Variants in KCNK2 observed in about 807,000 individuals in gnomAD.
KCNK2 encodes potassium two pore domain channel subfamily K member 2.
KCNK2 carries 21 observed loss-of-function variants against 40.5 expected under a neutral mutation model. The observed-to-expected ratio is 0.52, with a 90% CI of 0.37 to 0.75. KCNK2 has a LOEUF of 0.75. Ranked by LOEUF, KCNK2 falls within the 30% of genes least tolerant of loss-of-function variation. KCNK2 has a pLI of 0.00. For missense variants in KCNK2, 399 were observed against 531.6 expected, an observed-to-expected ratio of 0.75 and a Z score of 2.45; for synonymous variants, 191 against 202.2, an observed-to-expected ratio of 0.94 and a Z score of 0.47.
intron 2 of KCNK2, among the ~76,000 whole-genome samples, chr1:215,118,929 G>T (rs1661062035): frequency 6.6e-6 from 1 of 152,096 alleles, no homozygotes; most frequent in African/African-American, 2.4e-5. Context: ...AAATCCTGAT[G>T]ATAACAGAGG....
chr1:215,009,147 G>T (rs1028742926), intron 1 of KCNK2, among the ~76,000 whole-genome samples: 1 of 152,088 alleles, frequency 6.6e-6, no homozygotes, highest in East Asian at 1.9e-4. Context: ...GTATCCTATA[G>T]TAGCTTTCTA....
rs75150413 is a variant in KCNK2 at position 215,107,214 on chromosome 1, A to G, written c.358-17419A>G. On this transcript the variant is annotated intron_variant, in intron 2 of 6. Transcript: ENST00000444842. ...CATTTTAATGATATTATTTCAATCT[A>G]TGAGCATGGAACACTTTTCCATCTG... Among the ~76,000 whole-genome samples the G allele has an allele frequency of 9.0e-3, 1,363 of 152,162 alleles. 11 individuals carry two copies. Among genetic ancestry groups the G allele is most frequent in the Non-Finnish European group, 0.012 (846 of 68,002 alleles).
At chr1:215,089,003 G>A (rs1487532060) in intron 2 of KCNK2, among the ~76,000 whole-genome samples, 1 of 151,942 alleles carries the variant, frequency 6.6e-6, no homozygotes, top group African/African-American at 2.4e-5. Context: ...AATTTATTTT[G>A]ATAAAAGAAA....
At chr1:215,164,846 C>T (rs1208279227) in intron 3 of KCNK2, among the ~76,000 whole-genome samples, 1 of 152,112 alleles carries the variant, frequency 6.6e-6, no homozygotes, top group Non-Finnish European at 1.5e-5. Context: ...ACTGGATTGT[C>T]AACTTGAGAG....
intron 1 of KCNK2, among the ~76,000 whole-genome samples, chr1:215,014,241 C>T (rs1363424711): frequency 6.6e-6 from 1 of 152,026 alleles, no homozygotes; most frequent in Admixed American, 6.6e-5. Context: ...AGCCAGCCTT[C>T]CATTTCCAGG....
intron 1 of KCNK2, among the ~76,000 whole-genome samples, chr1:215,027,825 T>C (rs1171010457): frequency 6.6e-6 from 1 of 152,200 alleles, no homozygotes; most frequent in Non-Finnish European, 1.5e-5. Flanking sequence ...TGGATCTAAC[T>C]TGCCTTCCAT....
chr1:215,104,632 A>G (rs1219339742), intron 2 of KCNK2, among the ~76,000 whole-genome samples: 1 of 152,094 alleles, frequency 6.6e-6, no homozygotes, highest in Non-Finnish European at 1.5e-5. Context: ...GTCTTTATGA[A>G]GTATCTCATC....
Position 215,235,198 on chromosome 1 carries a change from T to C in KCNK2, c.*53T>C. On this transcript the variant is annotated 3_prime_UTR_variant, in exon 7 of 7. Coordinates refer to ENST00000444842, the MANE Select transcript of KCNK2 (RefSeq NM_001017425.3). ...GCCATAGGTGAGGACTTCTCTATGCTCTTTATGACTGTTGCTGGTAGCATT... is the reference window on the plus strand; with the variant it reads ...GCCATAGGTGAGGACTTCTCTATGCCCTTTATGACTGTTGCTGGTAGCATT... The C allele has an allele frequency of 7.0e-7, 1 of 1,430,342 alleles. No individual in the cohort carries two copies. Among genetic ancestry groups the C allele is most frequent in the East Asian group, 2.3e-5 (1 of 43,316 alleles). 88.6% of individuals were successfully genotyped at this position (1,430,342 alleles called of 1,614,324 possible). A position where few individuals can be genotyped will look rare whatever the true frequency, so the allele number is the denominator to read the frequency against.
intron 3 of KCNK2, among the ~76,000 whole-genome samples, chr1:215,155,371 T>C (rs188370596): frequency 1.4e-4 from 22 of 152,312 alleles, no homozygotes; most frequent in Non-Finnish European, 2.8e-4. Flanking sequence ...TTAGTGTTCC[T>C]TTTAAATATT....
intron 6 of KCNK2, among the ~76,000 whole-genome samples, chr1:215,228,976 CCGTGGG>C (rs1276972895): frequency 6.6e-6 from 1 of 151,990 alleles, no homozygotes; most frequent in African/African-American, 2.4e-5. Context: ...AACCCATGGG[CCGTGGG>C]CTGCATGCAG....
intron 6 of KCNK2, among the ~76,000 whole-genome samples, chr1:215,210,903 T>G (rs540794389): frequency 2.0e-5 from 3 of 152,258 alleles, no homozygotes; most frequent in African/African-American, 7.2e-5. Flanking sequence ...CCTTCAACAG[T>G]GATCTGAAAA....
chr1:215,082,340 T>C (rs554847889), upstream of KCNK2, among the ~76,000 whole-genome samples: 85 of 152,162 alleles, frequency 5.6e-4, no homozygotes, highest in African/African-American at 2.0e-3. Context: ...CACTTCCCTG[T>C]ACAGGTCTGG....
chr1:215,060,349 C>T (rs1658325647), intron 1 of KCNK2, among the ~76,000 whole-genome samples: 2 of 152,134 alleles, frequency 1.3e-5, no homozygotes, highest in Admixed American at 1.3e-4. Flanking sequence ...GAAGGCGTGG[C>T]ATGACCAGTT....
intron 6 of KCNK2, among the ~76,000 whole-genome samples, chr1:215,199,309 C>CA (rs1664990610): frequency 6.6e-6 from 1 of 151,242 alleles, no homozygotes; most frequent in Admixed American, 6.6e-5. Flanking sequence ...ACTCCATCTC[C>CA]AAAAAAATAA....
At chr1:215,124,325 A>T (rs573514384) in intron 2 of KCNK2, among the ~76,000 whole-genome samples, 1 of 152,264 alleles carries the variant, frequency 6.6e-6, no homozygotes, top group South Asian at 2.1e-4. Context: ...GACATTGTTA[A>T]ATTTAGTTGT....
intron 1 of KCNK2, among the ~76,000 whole-genome samples, chr1:215,059,091 G>A (rs1022619288): frequency 1.2e-4 from 18 of 147,502 alleles, no homozygotes; most frequent in African/African-American, 4.9e-5. Flanking sequence ...ATATATATTC[G>A]TGTATATATA....
At chr1:215,061,452 G>A (rs1658358183) in intron 1 of KCNK2, among the ~76,000 whole-genome samples, 1 of 151,886 alleles carries the variant, frequency 6.6e-6, no homozygotes, top group East Asian at 1.9e-4. Flanking sequence ...TTTTTTGGGA[G>A]GAATGGGTTC....
intron 5 of KCNK2, among the ~76,000 whole-genome samples, chr1:215,185,581 A>T (rs148241912): frequency 6.6e-6 from 1 of 152,194 alleles, no homozygotes; most frequent in African/African-American, 2.4e-5. Flanking sequence ...AAAATTAGCT[A>T]TTGAGTGAGT....
intron 1 of KCNK2, among the ~76,000 whole-genome samples, chr1:215,051,927 G>T (rs1658003691): frequency 6.6e-6 from 1 of 152,122 alleles, no homozygotes; most frequent in South Asian, 2.1e-4. Flanking sequence ...TTTAAGTAAA[G>T]AATATGCTCA....
Sources: allele counts gnomAD v4.1 joint callset (sites outside exome capture counted in the v4.1 genomes callset), GRCh38; gene constraint gnomAD v4.1.1; transcripts MANE v1.5; gene names NCBI Gene and HGNC (gene_info 2026-07-23, HGNC 2026-07-21).